The following DTWD1 variants were observed in gnomAD, a reference collection of about 807,000 sequenced individuals.
DTWD1 encodes DTW motif tRNA-uridine aminocarboxypropyltransferase 1, also known as tRNA-uridine aminocarboxypropyltransferase 1.
A neutral mutation model predicts 30.2 loss-of-function variants in DTWD1; 27 were observed. The observed-to-expected ratio is 0.90, with a 90% confidence interval of 0.66 to 1.23. The LOEUF (loss-of-function observed/expected upper bound fraction) is 1.23, where lower values mean the gene tolerates loss of function less well. Ranked by LOEUF, DTWD1 falls within the 50% of genes most tolerant of loss-of-function variation. The pLI is 0.00. For synonymous variants in DTWD1, 99 were observed against 113.1 expected (o/e 0.88, Z 0.79); for missense variants, 342 against 348.8 (o/e 0.98, Z 0.15).
At position 49,653,171 on chromosome 15, in the gene DTWD1, A is replaced by G. The variant is rs140035026; in HGVS notation, c.*9593A>G. 2.0e-5 allele frequency: 3 copies of G among 152,316 alleles called. No homozygotes were observed. Among genetic ancestry groups the G allele is most frequent in the African/African-American group, 7.2e-5 (3 of 41,588 alleles). 9.4% of individuals were successfully genotyped at this position (152,316 alleles called of 1,614,324 possible). The stretch of plus-strand genomic sequence containing the variant: ...AAAAAGGACTTTGCCTCTGTCATTA[A>G]GTTAAGCACTTTGAAATGTAGAGAT... On this transcript the variant is annotated 3_prime_UTR_variant, in exon 5 of 5. Coordinates refer to ENST00000403028, the MANE Select transcript of DTWD1 (RefSeq NM_001144955.2).
chr15:49,633,628 C>G, intron 3 of DTWD1: 1 of 275,604 alleles, frequency 3.6e-6, no homozygotes, highest in Non-Finnish European at 7.1e-6. Flanking sequence ...AGCCACTGTG[C>G]CCGGCCAAGA....
Position 49,653,599 on chromosome 15 carries a change from T to G in DTWD1, c.*10021T>G. 1 of 152,162 alleles carries G rather than the reference T, an allele frequency of 6.6e-6. No individual in the cohort carries two copies. The highest frequency in any genetic ancestry group is 2.1e-4 in the South Asian group (1 of 4,832). The allele number at this position is 152,162 out of a possible 1,614,324, so 9.4% of individuals were successfully genotyped here. ...GATGGGAAGGCAGTAAATAAATTATTGAATTATTGAAATAAATGGAGGATT... is the reference window on the plus strand; with the variant it reads ...GATGGGAAGGCAGTAAATAAATTATGGAATTATTGAAATAAATGGAGGATT... On this transcript the variant is annotated 3_prime_UTR_variant, in exon 5 of 5. Transcript: ENST00000403028.
In DTWD1 at chr15:49,650,580, T is replaced by C. The variant is rs957804458; in HGVS notation, c.*7002T>C. On this transcript the variant is annotated 3_prime_UTR_variant, in exon 5 of 5. Coordinates refer to ENST00000403028, the MANE Select transcript of DTWD1 (RefSeq NM_001144955.2). ...CCCCTTCTAGGAAGGACTTGCTAATTAGCTGCAGGGAGTGTGAAGAACAGA... is the reference window on the plus strand; with the variant it reads ...CCCCTTCTAGGAAGGACTTGCTAATCAGCTGCAGGGAGTGTGAAGAACAGA... The C allele has an allele frequency of 6.6e-6, 1 of 152,150 alleles. No individual in the cohort carries two copies. The highest frequency in any genetic ancestry group is 2.4e-5 in the African/African-American group (1 of 41,428). The allele number at this position is 152,150 out of a possible 1,614,324, so 9.4% of individuals were successfully genotyped here. A position where few individuals can be genotyped will look rare whatever the true frequency, so the allele number is the denominator to read the frequency against.
rs547879089 is a variant in DTWD1, at chr15:49,632,449, A to G, written c.408+147A>G. 773 of 742,826 alleles carry G rather than the reference A, an allele frequency of 1.0e-3. 17 individuals are homozygous for G. The South Asian group carries it at 0.018, about 17-fold the overall frequency. The allele number at this position is 742,826 out of a possible 1,614,324, so 46.0% of individuals were successfully genotyped here. A position where few individuals can be genotyped will look rare whatever the true frequency, so the allele number is the denominator to read the frequency against. ...GGTAATGTTAGACAATATACAGTTT[A>G]TTTCATTGATATCTTCAAAGATCAG... On this transcript the variant is annotated intron_variant, in intron 3 of 4. Transcript: ENST00000403028.
chr15:49,642,326 T>C (rs2079074971), intron 4 of DTWD1, among the ~76,000 whole-genome samples: 1 of 152,178 alleles, frequency 6.6e-6, no homozygotes, highest in Admixed American at 6.5e-5. Context: ...AAAAGCATTC[T>C]GGGTTTGTAT....
At chr15:49,622,803 C>T (rs182886612) in intron 1 of DTWD1, among the ~76,000 whole-genome samples, 5 of 152,276 alleles carry the variant, frequency 3.3e-5, no homozygotes, top group Admixed American at 1.3e-4. Context: ...GCCTCTTCTA[C>T]GTGGCCACCT....
intron 2 of DTWD1, among the ~76,000 whole-genome samples, chr15:49,625,710 T>G (rs1041487772): frequency 6.6e-6 from 1 of 152,178 alleles, no homozygotes; most frequent in Non-Finnish European, 1.5e-5. Context: ...TGTCCTTCCC[T>G]TATTGGCTAG....
At chr15:49,632,709 G>A (rs1467349227) in intron 3 of DTWD1, among the ~76,000 whole-genome samples, 2 of 152,122 alleles carry the variant, frequency 1.3e-5, no homozygotes, top group African/African-American at 4.8e-5. Context: ...AGGATATTCA[G>A]GAATCCTCCT....
rs2079151399 is a variant in DTWD1, at chr15:49,651,399, T to C, written c.*7821T>C. On this transcript the variant is annotated 3_prime_UTR_variant, in exon 5 of 5. Transcript: ENST00000403028. ...AACTAAACACATTGCCTAGTTGACGTCATCCTTCCTGCTTCAGTTATTCGC... is the reference window on the plus strand; with the variant it reads ...AACTAAACACATTGCCTAGTTGACGCCATCCTTCCTGCTTCAGTTATTCGC... The C allele has an allele frequency of 6.6e-6, 1 of 152,152 alleles. No individual in the cohort carries two copies. Among genetic ancestry groups the C allele is most frequent in the Non-Finnish European group, 1.5e-5 (1 of 68,074 alleles). The allele number at this position is 152,152 out of a possible 1,614,324, so 9.4% of individuals were successfully genotyped here.
At chr15:49,631,331 C>A (rs1279040598) in intron 2 of DTWD1, among the ~76,000 whole-genome samples, 1 of 152,128 alleles carries the variant, frequency 6.6e-6, no homozygotes, top group African/African-American at 2.4e-5. Flanking sequence ...TTAATTTGTG[C>A]TATTGAAAAT....
At position 49,646,854 on chromosome 15, in the gene DTWD1, A is replaced by C. The variant is rs1320522639; in HGVS notation, c.*3276A>C. 2 of 152,108 alleles carry C rather than the reference A, an allele frequency of 1.3e-5. No individual in the cohort carries two copies. The highest frequency in any genetic ancestry group is 4.8e-5 in the African/African-American group (2 of 41,414). The allele number at this position is 152,108 out of a possible 1,614,324, so 9.4% of individuals were successfully genotyped here. The stretch of plus-strand genomic sequence containing the variant: ...TTCTTCCTCGCTCTTACCAGCCTGG[A>C]TTGTACCTTTAATAAAGTAGTGGAT... On this transcript the variant is annotated 3_prime_UTR_variant, in exon 5 of 5. Coordinates refer to ENST00000403028, the MANE Select transcript of DTWD1 (RefSeq NM_001144955.2).
chr15:49,636,232 T>G (rs1429226540), intron 4 of DTWD1, among the ~76,000 whole-genome samples: 2 of 152,136 alleles, frequency 1.3e-5, no homozygotes, highest in Non-Finnish European at 2.9e-5. Flanking sequence ...ATGCTACAAT[T>G]AGTGTTATCT....
At chr15:49,630,277 A>G (rs901362694) in intron 2 of DTWD1, among the ~76,000 whole-genome samples, 7 of 152,220 alleles carry the variant, frequency 4.6e-5, no homozygotes, top group Non-Finnish European at 7.3e-5. Context: ...AATTTAACAT[A>G]TGTTAAAACT....
intron 4 of DTWD1, among the ~76,000 whole-genome samples, chr15:49,640,409 A>G (rs1203815895): frequency 1.3e-5 from 2 of 152,126 alleles, no homozygotes; most frequent in African/African-American, 4.8e-5. Flanking sequence ...GCTACTACAC[A>G]CATTCTTGTG....
intron 3 of DTWD1, 142 bp downstream of exon 3, chr15:49,632,444 AGTTT>A: frequency 1.3e-6 from 1 of 769,630 alleles, no homozygotes. Context: ...GACAATATAC[AGTTT>A]ATTTCATTGA....
At chr15:49,626,349 A>C (rs73406046) in intron 2 of DTWD1, among the ~76,000 whole-genome samples, 8,531 of 152,164 alleles carry the variant, frequency 0.056, 616 homozygotes, top group African/African-American at 0.16. Flanking sequence ...GTAAAATTTA[A>C]AAACTAAGAC....
chr15:49,644,704 T>C lies in DTWD1; in HGVS notation c.*1126T>C, dbSNP rs1312784283. The C allele has an allele frequency of 6.6e-6, 1 of 152,230 alleles. No homozygotes were observed. Among genetic ancestry groups the C allele is most frequent in the Non-Finnish European group, 1.5e-5 (1 of 68,060 alleles). The allele number at this position is 152,230 out of a possible 1,614,324, so 9.4% of individuals were successfully genotyped here. On this transcript the variant is annotated 3_prime_UTR_variant, in exon 5 of 5. Coordinates refer to ENST00000403028, the MANE Select transcript of DTWD1 (RefSeq NM_001144955.2). ...ACCTTATCAGGAATCCTATCTCTTC[T>C]GTTCCCAAGCAGTTACCCCAGTTAC...
chr15:49,629,057 A>G (rs2078883771), intron 2 of DTWD1, among the ~76,000 whole-genome samples: 1 of 151,246 alleles, frequency 6.6e-6, no homozygotes, highest in African/African-American at 2.4e-5. Context: ...TCCTTGTTCA[A>G]CTCCCACTTA....
At chr15:49,624,666 TCAC>T (rs2078815844) in intron 1 of DTWD1, among the ~76,000 whole-genome samples, 10 of 152,264 alleles carry the variant, frequency 6.6e-5, no homozygotes, top group African/African-American at 2.4e-4. Context: ...ACAGACACAC[TCAC>T]ACATATGTAG....
Sources: gnomAD v4.1 joint callset for allele counts (sites outside exome capture counted in the v4.1 genomes callset) on GRCh38, gnomAD v4.1.1 for gene constraint, MANE v1.5 for transcripts, NCBI Gene and HGNC (gene_info 2026-07-23, HGNC 2026-07-21) for gene names.